Variants in MAD1L1 observed in about 807,000 individuals in gnomAD.
MAD1L1 encodes the protein mitotic arrest deficient 1 like 1, also known as mitotic spindle assembly checkpoint protein MAD1.
MAD1L1 carries 95 observed loss-of-function variants against 96.9 expected under a neutral mutation model. The observed-to-expected ratio is 0.98, with a 90% CI of 0.83 to 1.16. The LOEUF (loss-of-function observed/expected upper bound fraction) is 1.16. Among genes scored for constraint, MAD1L1 ranks in the 50% most tolerant of loss-of-function variants. MAD1L1 has a pLI of 0.00. For missense variants in MAD1L1, 1,007 were observed against 954.4 expected, an observed-to-expected ratio of 1.06 and a Z score of -0.73; for synonymous variants, 473 against 396.6, an observed-to-expected ratio of 1.19 and a Z score of -2.29.
chr7:2,179,715 A>C (rs941673301), intron 10 of MAD1L1, among the ~76,000 whole-genome samples: 4 of 152,062 alleles, frequency 2.6e-5, no homozygotes, highest in Non-Finnish European at 4.4e-5. Context: ...CACGCCTGTA[A>C]TCCCAGCACT....
chr7:2,097,307 C>T (rs1047701888), intron 11 of MAD1L1, among the ~76,000 whole-genome samples: 2 of 152,314 alleles, frequency 1.3e-5, no homozygotes, highest in African/African-American at 4.8e-5. Flanking sequence ...AGGAGATGAC[C>T]GCTAAGGCCT....
At chr7:2,048,961 G>C (rs1051624686) in intron 12 of MAD1L1, among the ~76,000 whole-genome samples, 5 of 152,230 alleles carry the variant, frequency 3.3e-5, no homozygotes, top group African/African-American at 7.2e-5. Context: ...TTTTTAATGT[G>C]ATTTTGTGTA....
chr7:1,980,553 CA>C lies in MAD1L1; in HGVS notation c.1417-13del, dbSNP rs1221246641. On this transcript the variant is annotated splice_polypyrimidine_tract_variant and intron_variant, in intron 14 of 18. Transcript: ENST00000265854. ...AGCTCCATCTCCAGCTAGGAGAAAG[CA>C]AAGGATAGAGGGTCAGCAGACACGA... The C allele has an allele frequency of 1.4e-5, 23 of 1,605,830 alleles. No individual in the cohort carries two copies. Among genetic ancestry groups the C allele is most frequent in the Non-Finnish European group, 1.9e-5 (22 of 1,175,526 alleles).
At chr7:2,071,658 T>G (rs948463920) in intron 11 of MAD1L1, among the ~76,000 whole-genome samples, 3 of 151,870 alleles carry the variant, frequency 2.0e-5, no homozygotes, top group Admixed American at 2.0e-4. Flanking sequence ...GAAGGCTGAG[T>G]GGTTCACCAA....
At chr7:2,051,458 C>T (rs185586614) in intron 12 of MAD1L1, among the ~76,000 whole-genome samples, 28 of 152,212 alleles carry the variant, frequency 1.8e-4, no homozygotes, top group East Asian at 5.8e-4. Context: ...GCGAGGGGGG[C>T]GCTGACCTTG....
intron 10 of MAD1L1, among the ~76,000 whole-genome samples, chr7:2,169,097 G>A (rs1371065269): frequency 1.3e-5 from 2 of 152,214 alleles, no homozygotes; most frequent in African/African-American, 2.4e-5. Flanking sequence ...ATATTCACAG[G>A]AGGCAAACGA....
At chr7:1,953,223 G>A (rs1385868010) in intron 16 of MAD1L1, among the ~76,000 whole-genome samples, 7 of 152,168 alleles carry the variant, frequency 4.6e-5, no homozygotes, top group African/African-American at 7.2e-5. Flanking sequence ...GGAGCAGAAC[G>A]GTCTCCGTGT....
At chr7:2,047,978 G>A (rs1322996309) in intron 12 of MAD1L1, among the ~76,000 whole-genome samples, 1 of 151,778 alleles carries the variant, frequency 6.6e-6, no homozygotes, top group Non-Finnish European at 1.5e-5. Context: ...ATGATCACAT[G>A]TGCACACAGA....
Position 1,850,619 on chromosome 7 carries a change from G to A in MAD1L1, c.1999-34391C>T, listed in dbSNP as rs559911958. Reference sequence around the variant, plus strand: ...AGCCGGCCTGGGCCGGAGAAGGCACGGGGCTGGACCCAGGTCCGGGGACCC... The same window carrying A: ...AGCCGGCCTGGGCCGGAGAAGGCACAGGGCTGGACCCAGGTCCGGGGACCC... On this transcript the variant is annotated intron_variant, in intron 18 of 18. Coordinates refer to ENST00000265854, the MANE Select transcript of MAD1L1 (RefSeq NM_001013836.2). Among the ~76,000 whole-genome samples, 222 of 152,304 alleles carry A rather than the reference G, an allele frequency of 1.5e-3. 2 individuals carry two copies. The highest frequency in any genetic ancestry group is 6.5e-4 in the Admixed American group (10 of 15,312).
intron 15 of MAD1L1, among the ~76,000 whole-genome samples, chr7:1,962,968 TAA>T (rs1422378876): frequency 6.6e-6 from 1 of 151,744 alleles, no homozygotes; most frequent in Non-Finnish European, 1.5e-5. Flanking sequence ...TTTAAAAAAA[TAA>T]AAGAGGGACT....
At chr7:2,115,706 C>A (rs1376243434) in intron 11 of MAD1L1, among the ~76,000 whole-genome samples, 1 of 152,270 alleles carries the variant, frequency 6.6e-6, no homozygotes, top group Non-Finnish European at 1.5e-5. Context: ...ATGGCCACAT[C>A]CAGGGAAGCC....
At chr7:2,195,861 C>T (rs540154967) in intron 10 of MAD1L1, among the ~76,000 whole-genome samples, 9 of 152,256 alleles carry the variant, frequency 5.9e-5, no homozygotes, top group Non-Finnish European at 1.0e-4. Flanking sequence ...TGCCAAAGTT[C>T]GGCTGGGAGC....
chr7:2,154,464 T>A (rs1486502326), intron 10 of MAD1L1, among the ~76,000 whole-genome samples: 1 of 152,150 alleles, frequency 6.6e-6, no homozygotes, highest in Non-Finnish European at 1.5e-5. Flanking sequence ...ATTGTATAAT[T>A]CAAAGTAGCT....
intron 14 of MAD1L1, among the ~76,000 whole-genome samples, chr7:2,001,136 C>T (rs1429663087): frequency 6.6e-6 from 1 of 152,244 alleles, no homozygotes; most frequent in African/African-American, 2.4e-5. Flanking sequence ...GCCAGGACAC[C>T]GGCTCACAGT....
At chr7:2,009,539 A>C (rs542633837) in intron 13 of MAD1L1, among the ~76,000 whole-genome samples, 231 of 152,342 alleles carry the variant, frequency 1.5e-3, no homozygotes, top group Non-Finnish European at 1.5e-3. Flanking sequence ...GGGTCCCCAC[A>C]GGGCTAACCA....
intron 13 of MAD1L1, among the ~76,000 whole-genome samples, chr7:2,009,383 G>A (rs1782187191): frequency 6.6e-6 from 1 of 152,238 alleles, no homozygotes; most frequent in South Asian, 2.1e-4. Flanking sequence ...TACAAAGGCT[G>A]GAGCTAGGGG....
intron 17 of MAD1L1, among the ~76,000 whole-genome samples, chr7:1,909,046 G>A: frequency 6.6e-6 from 1 of 152,360 alleles, no homozygotes; most frequent in Middle Eastern, 3.4e-3. Context: ...CAGATGCTCA[G>A]TGCCAGTGGG....
intron 10 of MAD1L1, among the ~76,000 whole-genome samples, chr7:2,161,254 G>A (rs1194798059): frequency 1.3e-5 from 2 of 151,678 alleles, no homozygotes; most frequent in African/African-American, 4.8e-5. Flanking sequence ...TTGCAGGCGC[G>A]CGCCGCCAAG....
intron 10 of MAD1L1, among the ~76,000 whole-genome samples, chr7:2,164,647 C>G (rs1790338610): frequency 6.8e-6 from 1 of 147,784 alleles, no homozygotes; most frequent in Non-Finnish European, 1.5e-5. Flanking sequence ...TTGACAGTTG[C>G]ACCAAAAAAA....
Sources: gnomAD v4.1 joint callset for allele counts (sites outside exome capture counted in the v4.1 genomes callset) on GRCh38, gnomAD v4.1.1 for gene constraint, MANE v1.5 for transcripts, NCBI Gene and HGNC (gene_info 2026-07-23, HGNC 2026-07-21) for gene names.